MADD: variants seen among roughly 807,000 people sequenced by gnomAD.
The protein encoded by MADD is MAP kinase-activating death domain protein.
In MADD, 109 loss-of-function variants were observed where a neutral mutation model predicts 176.7. The observed-to-expected ratio is 0.62, with a 90% CI of 0.53 to 0.72. The LOEUF (loss-of-function observed/expected upper bound fraction) is 0.72, where lower values mean the gene tolerates loss of function less well. Among genes scored for constraint, MADD ranks in the 30% least tolerant of loss-of-function variants. The pLI is 0.00. For synonymous variants in MADD, 771 were observed against 771.3 expected (o/e 1.00, Z 0.01); for missense variants, 1,914 against 2,045.5 (o/e 0.94, Z 1.24).
At chr11:47,278,863 C>G (rs958939506) in intron 6 of MADD, 136 bp from the exon 7 acceptor site, 5 of 638,492 alleles carry the variant, frequency 7.8e-6, no homozygotes, top group African/African-American at 1.8e-5. Flanking sequence ...GTACATATAT[C>G]TTACTGTGCA....
intron 19 of MADD, among the ~76,000 whole-genome samples, chr11:47,291,312 T>TAC (rs1451206158): frequency 2.6e-5 from 4 of 152,292 alleles, no homozygotes; most frequent in African/African-American, 9.6e-5. Context: ...CTTTGAGGTA[T>TAC]AGGTTTCCAA....
At chr11:47,297,532 C>T (rs2073686069) in intron 22 of MADD, among the ~76,000 whole-genome samples, 1 of 151,114 alleles carries the variant, frequency 6.6e-6, no homozygotes, top group African/African-American at 2.4e-5. Context: ...CGGCAAGCTC[C>T]GCCTCCTGGG....
intron 21 of MADD, 125 bp from the exon 24 acceptor site, chr11:47,295,772 C>T: frequency 6.6e-7 from 1 of 1,523,678 alleles, no homozygotes; most frequent in South Asian, 1.3e-5. Flanking sequence ...GAAGGTACTT[C>T]CAGAGGCTAT....
In MADD at chr11:47,323,839, C is replaced by T. The variant is rs377405251; in HGVS notation, c.4362+4C>T. On this transcript the variant is annotated splice_donor_region_variant and intron_variant, in intron 28 of 32. Transcript: ENST00000402192. ...CAACAAGTTCTATACTAAAAAGGTA[C>T]GCAGGATCTGTGTTTGGGTTGGGGC... 2.3e-4 allele frequency: 367 copies of T among 1,613,676 alleles called. 5 individuals carry two copies. Among genetic ancestry groups the T allele is most frequent in the South Asian group, 2.0e-3 (178 of 91,072 alleles).
At position 47,309,360 on chromosome 11, in the gene MADD, A is replaced by T. The variant is rs2085990565; in HGVS notation, c.3831A>T (p.Glu1277Asp). The change falls in exon 24 of 33, where the codon GAA (glutamate) becomes GAT (aspartate). Residue 1277 changes from glutamate to aspartate, a missense_variant. Physicochemically the swap from Glu to Asp is conservative, Grantham distance 45 (BLOSUM62 2). Transcript: ENST00000402192. ...TAGATGCTGTGATGTTGGAGAGAGA[A>T]GGGATGGGTATGGACCAGGGTCCCC... 3.7e-6 allele frequency: 6 copies of T among 1,614,216 alleles called. No individual in the cohort carries two copies. The East Asian group carries it at 1.3e-4, about 36-fold the overall frequency.
chr11:47,300,256 G>A (rs1393695623), intron 22 of MADD, among the ~76,000 whole-genome samples: 1 of 149,478 alleles, frequency 6.7e-6, no homozygotes, highest in Non-Finnish European at 1.5e-5. Context: ...GCCCAGGCTG[G>A]AGTGCAGTTG....
At chr11:47,274,473 G>C in intron 2 of MADD, 90 bp from the exon 3 acceptor site, 1 of 1,071,330 alleles carries the variant, frequency 9.3e-7, no homozygotes. Flanking sequence ...ATCCAAAATA[G>C]CATCTTGAGC....
intron 26 of MADD, among the ~76,000 whole-genome samples, chr11:47,313,199 T>C (rs1266626628): frequency 6.6e-6 from 1 of 152,242 alleles, no homozygotes; most frequent in Non-Finnish European, 1.5e-5. Flanking sequence ...ACTTTTCTAA[T>C]GAGATTGGTG....
exon 10 of MADD, chr11:47,282,885 G>T: frequency 6.2e-7 from 1 of 1,614,014 alleles, no homozygotes; most frequent in Non-Finnish European, 8.5e-7. Context: ...ATCCACTATC[G>T]CGTCTATGAC....
intron 10 of MADD, among the ~76,000 whole-genome samples, chr11:47,283,370 G>T (rs1404227468): frequency 6.6e-6 from 1 of 152,102 alleles, no homozygotes; most frequent in Non-Finnish European, 1.5e-5. Flanking sequence ...TGAGAATACA[G>T]GCGTGAGCCA....
chr11:47,311,637 C>T (rs1206424646), intron 25 of MADD, 95 bp from the exon 29 acceptor site: 3 of 762,896 alleles, frequency 3.9e-6, no homozygotes, highest in African/African-American at 3.4e-5. Flanking sequence ...CCACTTCTCT[C>T]AGATGGTGGG....
chr11:47,297,479 C>A (rs1380009957), intron 22 of MADD, among the ~76,000 whole-genome samples: 4 of 150,356 alleles, frequency 2.7e-5, no homozygotes, highest in African/African-American at 7.3e-5. Context: ...TGGAGTCTCG[C>A]TGTGTCACCC....
intron 22 of MADD, among the ~76,000 whole-genome samples, chr11:47,303,025 C>A (rs184025186): frequency 6.6e-6 from 1 of 151,984 alleles, no homozygotes; most frequent in East Asian, 1.9e-4. Context: ...GTGATGACTT[C>A]CTCATTTTTT....
At chr11:47,271,563 T>C (rs903197303) in intron 1 of MADD, among the ~76,000 whole-genome samples, 18 of 152,254 alleles carry the variant, frequency 1.2e-4, no homozygotes, top group East Asian at 1.9e-4. Context: ...TGATGCGTAC[T>C]CAGTAGGAGG....
At chr11:47,323,354 C>T (rs1394214484) in intron 27 of MADD, among the ~76,000 whole-genome samples, 1 of 150,702 alleles carries the variant, frequency 6.6e-6, no homozygotes, top group Non-Finnish European at 1.5e-5. Flanking sequence ...GCTGAGATGG[C>T]GCCACTGCAG....
intron 4 of MADD, 160 bp from the exon 5 acceptor site, chr11:47,276,572 T>G: frequency 2.7e-6 from 2 of 754,086 alleles, no homozygotes; most frequent in Non-Finnish European, 4.3e-6. Context: ...TGTGCCTGGA[T>G]TGGGAGGTGG....
rs1565442765 is a variant in MADD, at chr11:47,299,584, G to GTTTTTTTTTT, written c.3642+3529_3642+3530insTTTTTTTTTT. 3.1e-5 allele frequency among the ~76,000 whole-genome samples: 2 copies of GTTTTTTTTTT among 65,234 alleles called. 1 individual carries two copies. 42.8% of individuals were successfully genotyped at this position (65,234 alleles called of 152,430 possible). A position where few individuals can be genotyped will look rare whatever the true frequency, so the allele number is the denominator to read the frequency against. ...TGAGTTTTCTAGTGGAGATTTTAGG[G>GTTTTTTTTTT]CTTTTTTTTTTTTTTTTTTTTTTTT... is the stretch of plus-strand genomic sequence containing the variant. On this transcript the variant is annotated intron_variant, in intron 22 of 32. Transcript: ENST00000402192.
chr11:47,308,939 C>G (rs1483894210), intron 23 of MADD, 41 bp from the exon 26 acceptor site: 1 of 1,584,754 alleles, frequency 6.3e-7, no homozygotes, highest in South Asian at 1.1e-5. Flanking sequence ...CCTTTCTTTC[C>G]TTTCTTGCTA....
chr11:47,306,204 GT>G (rs1424447716), intron 22 of MADD, among the ~76,000 whole-genome samples: 1 of 152,120 alleles, frequency 6.6e-6, no homozygotes, highest in East Asian at 1.9e-4. Context: ...GGTAGGTGGA[GT>G]GGCTCTGCCT....
Sources: gnomAD v4.1 joint callset for allele counts (sites outside exome capture counted in the v4.1 genomes callset) on GRCh38, gnomAD v4.1.1 for gene constraint, MANE v1.5 for transcripts, NCBI Gene and HGNC (gene_info 2026-07-23, HGNC 2026-07-21) for gene names.